DAB1: variants seen among roughly 807,000 people sequenced by gnomAD.
The protein encoded by DAB1 is DAB adaptor protein 1, also known as disabled homolog 1.
A neutral mutation model predicts 64.6 loss-of-function variants in DAB1; 15 were observed. The ratio of observed to expected loss-of-function variants is 0.23; its 90% CI spans 0.16 to 0.36. DAB1 has a LOEUF of 0.36. DAB1 is among the 10% of genes least tolerant of loss of function. The probability of loss-of-function intolerance (pLI) is 1.00; values close to 1 mark genes in which losing one functional copy is unlikely to be tolerated. For missense variants in DAB1, 596 were observed against 706.7 expected (o/e 0.84, Z 1.78); for synonymous variants, 235 against 251.9 (o/e 0.93, Z 0.64).
intron 9 of DAB1, chr1:57,033,447 G>T: frequency 6.2e-7 from 1 of 1,612,858 alleles, no homozygotes; most frequent in Non-Finnish European, 8.5e-7. Flanking sequence ...TAACCACAAG[G>T]CATGACTGAT....
chr1:57,488,454 A>G (rs564101753), intron 7 of DAB1, among the ~76,000 whole-genome samples: 33 of 150,556 alleles, frequency 2.2e-4, no homozygotes, highest in Non-Finnish European at 3.8e-4. Flanking sequence ...AGGCGGGCAG[A>G]TCACCTGAGG....
chr1:57,761,796 C>G (rs1181422339), intron 6 of DAB1, among the ~76,000 whole-genome samples: 4 of 152,290 alleles, frequency 2.6e-5, no homozygotes, highest in African/African-American at 9.6e-5. Context: ...CACATCTCCT[C>G]GTGGCATCAA....
Position 58,118,611 on chromosome 1 carries a change from T to TATATATATAAAATACATATATATATATAC in DAB1, n.387+31899_387+31900insGTATATATATATATGTATTTTATATATAT, listed in dbSNP as rs1557658060. Among the ~76,000 whole-genome samples, 17 of 43,852 alleles carry TATATATATAAAATACATATATATATATAC rather than the reference T, an allele frequency of 3.9e-4. 1 individual carries two copies. The highest frequency in any genetic ancestry group is 4.9e-3 in the East Asian group (2 of 412). The allele number at this position is 43,852 out of a possible 152,430, so 28.8% of individuals were successfully genotyped here. On this transcript the variant is annotated intron_variant and non_coding_transcript_variant, in intron 5 of 20. Coordinates refer to the DAB1 transcript ENST00000485760. ...ATATAAAATACTATATATATATACATATATATATATAAAATACATATATAT... is the reference window on the plus strand; with the variant it reads ...ATATAAAATACTATATATATATACATATATATATAAAATACATATATATATATACATATATATATAAAATACATATATAT...
chr1:57,008,191 C>A (rs1420081886), intron 14 of DAB1, among the ~76,000 whole-genome samples: 2 of 152,180 alleles, frequency 1.3e-5, no homozygotes, highest in Admixed American at 6.5e-5. Flanking sequence ...CTGTGTGAGG[C>A]CCAAACCAGG....
intron 8 of DAB1, 77 bp downstream of exon 8, chr1:57,069,283 T>C (rs1651222410): frequency 8.3e-7 from 1 of 1,206,440 alleles, no homozygotes; most frequent in Admixed American, 1.7e-5. Context: ...ACAGAACCCT[T>C]GGTTCTTTAG....
chr1:58,137,412 T>C (rs759961002), intron 5 of DAB1, among the ~76,000 whole-genome samples: 1 of 152,130 alleles, frequency 6.6e-6, no homozygotes, highest in Admixed American at 6.6e-5. Flanking sequence ...AGAATGAGTA[T>C]CCCATTCATA....
intron 9 of DAB1, among the ~76,000 whole-genome samples, chr1:57,057,888 A>C (rs3768195): frequency 2.0e-5 from 3 of 151,918 alleles, no homozygotes; most frequent in South Asian, 2.1e-4. Flanking sequence ...GATTACAGGC[A>C]TGAGCCACCG....
At chr1:57,812,901 C>T (rs1387433646) in intron 6 of DAB1, among the ~76,000 whole-genome samples, 2 of 152,160 alleles carry the variant, frequency 1.3e-5, no homozygotes, top group African/African-American at 2.4e-5. Flanking sequence ...GTGGCCACAT[C>T]CTTAGTGAGT....
intron 4 of DAB1, among the ~76,000 whole-genome samples, chr1:58,246,502 G>T (rs893939878): frequency 1.3e-5 from 2 of 152,214 alleles, no homozygotes; most frequent in African/African-American, 2.4e-5. Flanking sequence ...CAAACAGGGA[G>T]TGAAAGTAGC....
intron 4 of DAB1, among the ~76,000 whole-genome samples, chr1:57,089,046 C>T (rs188161602): frequency 3.5e-4 from 53 of 152,324 alleles, no homozygotes; most frequent in Admixed American, 1.4e-3. Flanking sequence ...GGCTAAACAC[C>T]TATGCTTTTT....
intron 5 of DAB1, among the ~76,000 whole-genome samples, chr1:57,965,064 A>G (rs1378282366): frequency 6.6e-6 from 1 of 152,224 alleles, no homozygotes; most frequent in Non-Finnish European, 1.5e-5. Context: ...TGTGTGAAGA[A>G]TGGATGGCAA....
intron 4 of DAB1, among the ~76,000 whole-genome samples, chr1:58,234,165 C>G (rs1000996829): frequency 6.6e-6 from 1 of 152,212 alleles, no homozygotes; most frequent in African/African-American, 2.4e-5. Context: ...TGAGACCACA[C>G]GTTCTTTTCC....
intron 5 of DAB1, among the ~76,000 whole-genome samples, chr1:58,060,961 G>C (rs1463105515): frequency 1.3e-5 from 2 of 152,232 alleles, no homozygotes; most frequent in Non-Finnish European, 2.9e-5. Context: ...CCTCCCTGCT[G>C]CTTCCTCCAG....
At chr1:57,907,213 C>A (rs1280661926) in intron 5 of DAB1, among the ~76,000 whole-genome samples, 1 of 152,152 alleles carries the variant, frequency 6.6e-6, no homozygotes, top group Non-Finnish European at 1.5e-5. Flanking sequence ...GCTCTTGGTG[C>A]CCTCAGTACC....
At chr1:57,371,147 T>G (rs1286302795) in intron 1 of DAB1, among the ~76,000 whole-genome samples, 5 of 152,220 alleles carry the variant, frequency 3.3e-5, no homozygotes, top group African/African-American at 1.2e-4. Flanking sequence ...AACATTCTCC[T>G]TCTCACTAGT....
In DAB1 at chr1:57,146,065, T is replaced by C. The variant is rs1168330474; in HGVS notation, c.68-636A>G. On this transcript the variant is annotated intron_variant, in intron 2 of 14. Coordinates refer to ENST00000371236, the MANE Select transcript of DAB1 (RefSeq NM_001365792.1). ...TCCAACAGGCTCTCTCAATAATTAT[T>C]AAGATAATATTTTGCTAAGACACAT... 3.3e-5 allele frequency among the ~76,000 whole-genome samples: 5 copies of C among 152,158 alleles called. 1 individual carries two copies. Among genetic ancestry groups the C allele is most frequent in the Non-Finnish European group, 7.3e-5 (5 of 68,032 alleles).
chr1:57,990,857 GCA>G (rs1247994911), intron 5 of DAB1, among the ~76,000 whole-genome samples: 7 of 152,132 alleles, frequency 4.6e-5, no homozygotes, highest in African/African-American at 1.7e-4. Flanking sequence ...TTTACACTGG[GCA>G]CACACACAGT....
chr1:57,457,190 G>A (rs1686627635), intron 7 of DAB1, among the ~76,000 whole-genome samples: 1 of 152,054 alleles, frequency 6.6e-6, no homozygotes, highest in Non-Finnish European at 1.5e-5. Context: ...CTTGAGGAGG[G>A]AGGAGAAGAA....
chr1:57,080,895 C>T (rs1164155155), intron 4 of DAB1, among the ~76,000 whole-genome samples: 1 of 152,110 alleles, frequency 6.6e-6, no homozygotes, highest in Non-Finnish European at 1.5e-5. Flanking sequence ...GATAGAATAA[C>T]TGTTCTGTCT....
Sources: allele counts gnomAD v4.1 joint callset (sites outside exome capture counted in the v4.1 genomes callset), GRCh38; gene constraint gnomAD v4.1.1; transcripts MANE v1.5; gene names NCBI Gene and HGNC (gene_info 2026-07-23, HGNC 2026-07-21).